Variants in LMO3 observed in about 807,000 individuals in gnomAD.
The protein encoded by LMO3 is LIM domain only 3, also known as LIM domain only protein 3.
A neutral mutation model predicts 15.8 loss-of-function variants in LMO3; 2 were observed. The ratio of observed to expected loss-of-function variants is 0.13; its 90% CI spans 0.05 to 0.40. The LOEUF is 0.40. Among genes scored for constraint, LMO3 ranks in the 10% least tolerant of loss-of-function variants. The pLI is 0.99. For synonymous variants in LMO3, 62 were observed against 63.8 expected, an observed-to-expected ratio of 0.97 and a Z score of 0.13; for missense variants, 86 against 182.2, an observed-to-expected ratio of 0.47 and a Z score of 3.04.
intron 2 of LMO3, among the ~76,000 whole-genome samples, chr12:16,574,741 A>G (rs1031475513): frequency 1.3e-5 from 2 of 152,228 alleles, no homozygotes; most frequent in South Asian, 4.1e-4. Flanking sequence ...ATTAGAAAAG[A>G]AAGTCTTCTA....
intron 2 of LMO3, chr12:16,573,853 G>A (rs951397779): frequency 3.3e-5 from 5 of 152,178 alleles, no homozygotes; most frequent in Admixed American, 3.3e-4. Context: ...CTAGATTGAC[G>A]TCGCCAAATC....
chr12:16,554,882 T>G (rs915949395), intron 3 of LMO3, among the ~76,000 whole-genome samples: 16 of 151,998 alleles, frequency 1.1e-4, no homozygotes, highest in African/African-American at 3.9e-4. Context: ...ATGGTCTCGA[T>G]CTCCCAACCT....
At position 16,585,090 on chromosome 12, in the gene LMO3, C is replaced by T. The variant is rs970365379; in HGVS notation, c.206+15565G>A. On this transcript the variant is annotated intron_variant, in intron 2 of 3. Coordinates refer to ENST00000537304, the MANE Select transcript of LMO3 (RefSeq NM_018640.5). This position sits in a 1 kb window ranked among gnomAD's most constrained non-coding sequence, Gnocchi z 4.7. ...ATCCAGAAAAATCAGCAACATTAGG[C>T]CCACATTCGTACAGTGTGCTGGAAT... 3.9e-5 allele frequency among the ~76,000 whole-genome samples: 6 copies of T among 152,118 alleles called. No individual in the cohort carries two copies. The highest frequency in any genetic ancestry group is 1.4e-4 in the African/African-American group (6 of 41,422).
chr12:16,596,317 C>G lies in LMO3; in HGVS notation c.206+4338G>C, dbSNP rs1943655980. ...GTAGTTTCATTTTAAACAAATCATC[C>G]TCACGTATAAAAATAGCAAATTGCA... On this transcript the variant is annotated intron_variant, in intron 2 of 3. Transcript: ENST00000537304. This position sits in a 1 kb window ranked among gnomAD's most constrained non-coding sequence, Gnocchi z 4.3. Among the ~76,000 whole-genome samples the G allele has an allele frequency of 6.6e-6, 1 of 151,502 alleles. No homozygotes were observed. The highest frequency in any genetic ancestry group is 6.6e-5 in the Admixed American group (1 of 15,172).
intron 2 of LMO3, chr12:16,600,271 C>T (rs184037128): frequency 1.3e-5 from 2 of 156,326 alleles, no homozygotes; most frequent in Non-Finnish European, 2.7e-5. Flanking sequence ...TATGCTCAAC[C>T]CCCATTCCCC....
At chr12:16,583,446 T>C (rs572284415) in intron 2 of LMO3, among the ~76,000 whole-genome samples, 2 of 152,128 alleles carry the variant, frequency 1.3e-5, no homozygotes, top group Non-Finnish European at 1.5e-5. Context: ...GAAAAGAAGA[T>C]ACTAAAGACT....
At chr12:16,600,354 G>T in intron 2 of LMO3, 2 of 213,600 alleles carry the variant, frequency 9.4e-6, no homozygotes, top group Non-Finnish European at 9.2e-6. Flanking sequence ...CCTGAATGCT[G>T]ATTTCGACCA....
At chr12:16,564,051 A>G (rs578108203) in intron 2 of LMO3, among the ~76,000 whole-genome samples, 35 of 152,318 alleles carry the variant, frequency 2.3e-4, no homozygotes, top group Admixed American at 6.5e-4. Context: ...CGGCCATACA[A>G]TATCAGTGCA....
chr12:16,569,546 A>C (rs776163076), intron 2 of LMO3, among the ~76,000 whole-genome samples: 1 of 152,188 alleles, frequency 6.6e-6, no homozygotes, highest in Non-Finnish European at 1.5e-5. Flanking sequence ...TGATCAGCAC[A>C]GCAGCCTACT....
rs1395630634 is a variant in LMO3, at chr12:16,596,408, A to G, written c.206+4247T>C. Among the ~76,000 whole-genome samples, 1 of 151,648 alleles carries G rather than the reference A, an allele frequency of 6.6e-6. No individual in the cohort carries two copies. Among genetic ancestry groups the G allele is most frequent in the Non-Finnish European group, 1.5e-5 (1 of 67,634 alleles). ...AAAAGCTATAAGCAGCTTCCATGGC[A>G]CATACCACAGCAAACAGCTTTGAAT... On this transcript the variant is annotated intron_variant, in intron 2 of 3. Coordinates refer to ENST00000537304, the MANE Select transcript of LMO3 (RefSeq NM_018640.5). The surrounding 1 kb of genome is among the most constrained non-coding windows in gnomAD (Gnocchi z 4.3).
chr12:16,581,560 C>A (rs1372018219), intron 2 of LMO3, among the ~76,000 whole-genome samples: 1 of 152,184 alleles, frequency 6.6e-6, no homozygotes, highest in Non-Finnish European at 1.5e-5. Flanking sequence ...AGTAAATCCT[C>A]AAGAAATATT....
rs374414585 is a variant in LMO3, at chr12:16,560,785, C to T, written c.207-247G>A. On this transcript the variant is annotated intron_variant, in intron 2 of 3. Transcript: ENST00000537304. This position sits in a 1 kb window ranked among gnomAD's most constrained non-coding sequence, Gnocchi z 5.0. ...AAAGACAAATACATTAGGAAGCTTA[C>T]GTAACTGCACATAAACAGAAGTCAA... 44 of 512,740 alleles carry T rather than the reference C, an allele frequency of 8.6e-5. No individual in the cohort carries two copies. Among genetic ancestry groups the T allele is most frequent in the East Asian group, 3.2e-4 (7 of 21,830 alleles). 31.8% of individuals were successfully genotyped at this position (512,740 alleles called of 1,614,324 possible).
chr12:16,559,414 G>A lies in LMO3; in HGVS notation c.332+999C>T, dbSNP rs1942307433. Reference sequence around the variant, plus strand: ...GAGATGAACTAATCCAGCTTCATATGTTACAAATGAAAAACCTGAGGTCCA... The same window carrying A: ...GAGATGAACTAATCCAGCTTCATATATTACAAATGAAAAACCTGAGGTCCA... On this transcript the variant is annotated intron_variant, in intron 3 of 3. Transcript: ENST00000537304. The surrounding 1 kb of genome is among the most constrained non-coding windows in gnomAD (Gnocchi z 4.1). 6.6e-6 allele frequency among the ~76,000 whole-genome samples: 1 copy of A among 152,044 alleles called. No homozygotes were observed. The highest frequency in any genetic ancestry group is 2.1e-4 in the South Asian group (1 of 4,828).
intron 2 of LMO3, chr12:16,594,031 T>C (rs1434984379): frequency 2.0e-6 from 2 of 1,019,272 alleles, no homozygotes; most frequent in African/African-American, 1.6e-5. Context: ...TTGTCCTACA[T>C]GTTAGACTGA....
Position 16,559,855 on chromosome 12 carries a change from G to A in LMO3, c.332+558C>T, listed in dbSNP as rs1009176786. 2.0e-5 allele frequency among the ~76,000 whole-genome samples: 3 copies of A among 151,738 alleles called. No individual in the cohort carries two copies. The highest frequency in any genetic ancestry group is 7.3e-5 in the African/African-American group (3 of 41,320). On this transcript the variant is annotated intron_variant, in intron 3 of 3. Transcript: ENST00000537304. The surrounding 1 kb of genome is among the most constrained non-coding windows in gnomAD (Gnocchi z 4.1). ...TGCACACCTGTACTCCCAGCTACTC[G>A]GGAGGCTGAGGCAGGAGGATTGCTT... is the stretch of plus-strand genomic sequence containing the variant.
intron 2 of LMO3, among the ~76,000 whole-genome samples, chr12:16,579,347 A>G (rs1943090603): frequency 6.6e-6 from 1 of 152,228 alleles, no homozygotes; most frequent in Admixed American, 6.5e-5. Context: ...GTCTTTGGTG[A>G]GCCTCAGAAA....
rs375055086 is a variant in LMO3, at chr12:16,551,195, T to A, written c.*27A>T. 127 of 1,351,504 alleles carry A rather than the reference T, an allele frequency of 9.4e-5. 1 individual carries two copies. In the African/African-American group the frequency reaches 1.7e-3, roughly 18 times the overall value. The allele number at this position is 1,351,504 out of a possible 1,614,324, so 83.7% of individuals were successfully genotyped here. ...AAAGATAAAAGAATGTAGTGCTTTG[T>A]ATTCTTAATGGGGTGATGTTGATAG... is the stretch of plus-strand genomic sequence containing the variant. On this transcript the variant is annotated 3_prime_UTR_variant, in exon 4 of 4. Coordinates refer to ENST00000537304, the MANE Select transcript of LMO3 (RefSeq NM_018640.5).
Position 16,560,684 on chromosome 12 carries a change from CATAA to C in LMO3, c.207-150_207-147del. ...AAGTGGATTTTATCCTAGGTGTATG[CATAA>C]ATATTCTTCTGCAATATATTCTCCG... On this transcript the variant is annotated intron_variant, in intron 2 of 3. Coordinates refer to ENST00000537304, the MANE Select transcript of LMO3 (RefSeq NM_018640.5). This position sits in a 1 kb window ranked among gnomAD's most constrained non-coding sequence, Gnocchi z 5.0. 1.5e-6 allele frequency: 1 copy of C among 685,702 alleles called. No homozygotes were observed. The highest frequency in any genetic ancestry group is 1.9e-5 in the South Asian group (1 of 53,920). 42.5% of individuals were successfully genotyped at this position (685,702 alleles called of 1,614,324 possible).
At position 16,587,718 on chromosome 12, in the gene LMO3, A is replaced by G. The variant is rs1293873810; in HGVS notation, c.206+12937T>C. Among the ~76,000 whole-genome samples the G allele has an allele frequency of 1.3e-5, 2 of 151,796 alleles. No individual in the cohort carries two copies. Among genetic ancestry groups the G allele is most frequent in the East Asian group, 1.9e-4 (1 of 5,148 alleles). ...TTTTCACTACAGGAGACAAACAATG[A>G]TATGTATTACATGCAGTAAACACTG... On this transcript the variant is annotated intron_variant, in intron 2 of 3. Coordinates refer to ENST00000537304, the MANE Select transcript of LMO3 (RefSeq NM_018640.5). The surrounding 1 kb of genome is among the most constrained non-coding windows in gnomAD (Gnocchi z 4.3).
Sources: gnomAD v4.1 joint callset for allele counts (sites outside exome capture counted in the v4.1 genomes callset) on GRCh38, gnomAD v4.1.1 for gene constraint, Gnocchi (gnomAD v3.1) non-coding constraint, MANE v1.5 for transcripts, NCBI Gene and HGNC (gene_info 2026-07-23, HGNC 2026-07-21) for gene names.